Variants in CLK1 observed in about 807,000 individuals in gnomAD.
The protein encoded by CLK1 is dual specificity protein kinase CLK1.
Under a neutral mutation model 60.9 loss-of-function variants are expected in CLK1, and 40 were observed. The ratio of observed to expected loss-of-function variants is 0.66; its 90% confidence interval spans 0.51 to 0.86. The LOEUF is 0.86. Ranked by LOEUF, CLK1 falls within the 40% of genes least tolerant of loss-of-function variation. The probability of loss-of-function intolerance (pLI) is 0.00; values close to 1 mark genes in which losing one functional copy is unlikely to be tolerated. For missense variants in CLK1, 563 were observed against 606.1 expected, an observed-to-expected ratio of 0.93 and a Z score of 0.75; for synonymous variants, 203 against 184.4, an observed-to-expected ratio of 1.10 and a Z score of -0.82.
chr2:200,853,539 C>T, intron 12 of CLK1, 90 bp from the exon 13 acceptor site: 1 of 1,233,952 alleles, frequency 8.1e-7, no homozygotes, highest in Non-Finnish European at 1.1e-6. Flanking sequence ...TATATATAAC[C>T]ACCATAAAAA....
intron 11 of CLK1, among the ~76,000 whole-genome samples, chr2:200,854,340 C>G (rs1219197144): frequency 2.0e-5 from 3 of 151,944 alleles, no homozygotes; most frequent in Non-Finnish European, 2.9e-5. Flanking sequence ...TCGAGACCAT[C>G]CTGGCTAACA....
chr2:200,858,145 G>A (rs1681496774), intron 5 of CLK1, 56 bp from the exon 6 acceptor site: 5 of 1,125,462 alleles, frequency 4.4e-6, no homozygotes, highest in Non-Finnish European at 6.8e-6. Flanking sequence ...TCAATTCCAG[G>A]TATTACTGTC....
At chr2:200,862,201 T>C (rs995519647) in intron 1 of CLK1, among the ~76,000 whole-genome samples, 3 of 152,150 alleles carry the variant, frequency 2.0e-5, no homozygotes, top group Admixed American at 6.5e-5. Flanking sequence ...TATAGCACTA[T>C]AGAAGTCCAC....
Position 200,854,689 on chromosome 2 carries a change from C to G in CLK1, c.1147G>C (p.Asp383His). Reference protein sequence around the residue: ...YLGFTVFPTHDSKEHLAMMER... With the variant: ...YLGFTVFPTHHSKEHLAMMER... ...ATCATTGCTAAATGCTCCTTACTAT[C>G]GTGTGTCTAGAAATAAAATAAAAAC... Residue 383 changes from aspartate to histidine, a missense_variant, in exon 11 of 13, where the codon GAT becomes CAT. Around this residue, in one of 3 missense-constraint regions of CLK1, gnomAD observed 360 missense variants for 407.0 expected, o/e 0.88. Coordinates refer to ENST00000321356, the MANE Select transcript of CLK1 (RefSeq NM_004071.4). 1.2e-6 allele frequency: 2 copies of G among 1,600,830 alleles called. No homozygotes were observed. The highest frequency in any genetic ancestry group is 1.7e-6 in the Non-Finnish European group (2 of 1,168,316).
At chr2:200,853,679 GAAAAAAA>G (rs34449560) in intron 12 of CLK1, among the ~76,000 whole-genome samples, 2 of 49,128 alleles carry the variant, frequency 4.1e-5, no homozygotes, top group Admixed American at 3.3e-4. Context: ...GTCTTTACTT[GAAAAAAA>G]AAAAAAAAAA....
At chr2:200,857,339 T>C in intron 7 of CLK1, 1 of 259,792 alleles carries the variant, frequency 3.8e-6, no homozygotes, top group Non-Finnish European at 7.4e-6. Flanking sequence ...AAACCTCTGA[T>C]TCCTTTCCCA....
rs2039135163 is a variant in CLK1 at position 200,861,385 on chromosome 2, A to T, written c.243T>A (p.Thr81=). 2.5e-6 allele frequency: 4 copies of T among 1,613,974 alleles called. No individual in the cohort carries two copies. The highest frequency in any genetic ancestry group is 3.4e-6 in the Non-Finnish European group (4 of 1,180,024). ...GGCGATGTCCAGGTTCACATCCTTGAGTGTAGTCATTTCTGTACTCATCAA... is the reference window on the plus strand; with the variant it reads ...GGCGATGTCCAGGTTCACATCCTTGTGTGTAGTCATTTCTGTACTCATCAA... ...RYIDEYRNDY[T]QGCEPGHRQR... The change falls in exon 3 of 13, where the codon ACT becomes ACA. Residue 81 remains threonine (T), a synonymous_variant. Coordinates refer to ENST00000321356, the MANE Select transcript of CLK1 (RefSeq NM_004071.4).
chr2:200,861,464 T>G lies in CLK1; in HGVS notation c.164A>C (p.His55Pro). The change falls in exon 3 of 13, where the codon CAT becomes CCT. Residue 55 changes from histidine to proline, a missense_variant and splice_region_variant. Physicochemically the swap from His to Pro is moderately conservative, Grantham distance 77. Transcript: ENST00000321356. ...KYNHSKMCDS[H>P]YLESRSINEK... The stretch of plus-strand genomic sequence containing the variant: ...ATTTATAGACCTGCTTTCCAAATAA[T>G]GGCTAGAGAAATAAAAATTATTTTC... The G allele has an allele frequency of 6.2e-7, 1 of 1,611,156 alleles. No individual in the cohort carries two copies. Among genetic ancestry groups the G allele is most frequent in the Middle Eastern group, 1.7e-4 (1 of 6,050 alleles).
chr2:200,859,693 T>G lies in CLK1; in HGVS notation c.535A>C (p.Ile179Leu), dbSNP rs1285881368. ...EGAFGKVVECIDHKAGGRHVA... is the reference protein window; with the variant it reads ...EGAFGKVVECLDHKAGGRHVA... ...TGGGAAACTTACGCTTTATGATCGA[T>G]GCACTCCACAACTTTTCCAAAAGCT... Residue 179 changes from isoleucine to leucine, a missense_variant, in exon 5 of 13, where the codon ATC becomes CTC. Physicochemically the swap from Ile to Leu is conservative, Grantham distance 5. Transcript: ENST00000321356. 1.1e-5 allele frequency: 18 copies of G among 1,613,318 alleles called. No individual in the cohort carries two copies. The highest frequency in any genetic ancestry group is 1.4e-5 in the Non-Finnish European group (16 of 1,179,718).
intron 1 of CLK1, chr2:200,863,287 C>T (rs2039171291): frequency 6.6e-6 from 1 of 152,240 alleles, no homozygotes; most frequent in Non-Finnish European, 1.5e-5. Context: ...GGTCGGGGGC[C>T]GTGGCTTATG....
At chr2:200,864,383 G>T in intron 1 of CLK1, 181 bp downstream of exon 1, 1 of 1,028,396 alleles carries the variant, frequency 9.7e-7, no homozygotes, top group Non-Finnish European at 1.3e-6. Flanking sequence ...GCGGCGACAG[G>T]CTCGGCCGCG....
At chr2:200,856,333 G>C (rs967132263) in intron 9 of CLK1, among the ~76,000 whole-genome samples, 1 of 152,112 alleles carries the variant, frequency 6.6e-6, no homozygotes, top group African/African-American at 2.4e-5. Flanking sequence ...GCCTCCCAAA[G>C]TGCTGGGATT....
In CLK1 at chr2:200,857,658, C is replaced by T. The variant is rs1329581492; in HGVS notation, c.832+60G>A. 5 of 1,407,100 alleles carry T rather than the reference C, an allele frequency of 3.6e-6. No individual in the cohort carries two copies. The East Asian group carries it at 7.0e-5, about 20-fold the overall frequency. 87.2% of individuals were successfully genotyped at this position (1,407,100 alleles called of 1,614,324 possible). A position where few individuals can be genotyped will look rare whatever the true frequency, so the allele number is the denominator to read the frequency against. On this transcript the variant is annotated intron_variant, in intron 7 of 12. Transcript: ENST00000321356. ...AAAAATTGTACACACTTAGGATGCA[C>T]ATTTTGATATGTGGAATGGATAAAA...
chr2:200,862,712 A>G (rs1014443796), intron 1 of CLK1, among the ~76,000 whole-genome samples: 1 of 152,208 alleles, frequency 6.6e-6, no homozygotes, highest in African/African-American at 2.4e-5. Flanking sequence ...TGTACCAGAA[A>G]CTAGTCTCCA....
chr2:200,853,473 TC>T, intron 12 of CLK1, 24 bp from the exon 13 acceptor site: 1 of 1,595,814 alleles, frequency 6.3e-7, no homozygotes, highest in Non-Finnish European at 8.5e-7. Context: ...AGAAATTCAT[TC>T]AACAGCCTTT....
chr2:200,854,335 A>T (rs1044866574), intron 11 of CLK1, among the ~76,000 whole-genome samples: 2 of 152,068 alleles, frequency 1.3e-5, no homozygotes, highest in African/African-American at 4.8e-5. Context: ...GGAGATCGAG[A>T]CCATCCTGGC....
chr2:200,854,298 G>C (rs919520906), intron 11 of CLK1, among the ~76,000 whole-genome samples: 4 of 152,120 alleles, frequency 2.6e-5, no homozygotes, highest in Non-Finnish European at 5.9e-5. Context: ...CACTTTGGGA[G>C]GCCGAGGTGG....
At chr2:200,858,132 T>A in intron 5 of CLK1, 43 bp from the exon 6 acceptor site, 1 of 1,234,992 alleles carries the variant, frequency 8.1e-7, no homozygotes, top group East Asian at 2.3e-5. Flanking sequence ...ACAGACATGA[T>A]GCTCAATTCC....
In CLK1 at chr2:200,855,098, A is replaced by G; in HGVS notation, c.1058-12T>C. 6.3e-7 allele frequency: 1 copy of G among 1,582,816 alleles called. No individual in the cohort carries two copies. Among genetic ancestry groups the G allele is most frequent in the Non-Finnish European group, 8.6e-7 (1 of 1,168,936 alleles). ...GGACCACCCTAGGGCTGCAAAGCAAAGCAAAATTTAAGGAAAAAAAATACT... is the reference window on the plus strand; with the variant it reads ...GGACCACCCTAGGGCTGCAAAGCAAGGCAAAATTTAAGGAAAAAAAATACT... On this transcript the variant is annotated splice_polypyrimidine_tract_variant and intron_variant, in intron 9 of 12. Coordinates refer to ENST00000321356, the MANE Select transcript of CLK1 (RefSeq NM_004071.4).
Sources: allele counts gnomAD v4.1 joint callset (sites outside exome capture counted in the v4.1 genomes callset), GRCh38; gene constraint gnomAD v4.1.1; regional missense constraint gnomAD v4.1.1; transcripts MANE v1.5; gene names NCBI Gene and HGNC (gene_info 2026-07-23, HGNC 2026-07-21).